Variants in NRCAM observed in about 807,000 individuals in gnomAD.
NRCAM encodes NgCAM-related cell adhesion molecule.
In NRCAM, 83 loss-of-function variants were observed where a neutral mutation model predicts 156.5. The ratio of observed to expected loss-of-function variants is 0.53; its 90% CI spans 0.44 to 0.64. The LOEUF (loss-of-function observed/expected upper bound fraction) is 0.64. Ranked by LOEUF, NRCAM falls within the 30% of genes least tolerant of loss-of-function variation. NRCAM has a pLI of 0.00. For missense variants in NRCAM, 1,417 were observed against 1,597.3 expected (o/e 0.89, Z 1.92); for synonymous variants, 538 against 563.9 (o/e 0.95, Z 0.65).
At chr7:108,292,003 C>T (rs539226559) in intron 3 of NRCAM, among the ~76,000 whole-genome samples, 106 of 152,280 alleles carry the variant, frequency 7.0e-4, no homozygotes, top group Admixed American at 2.4e-3. Context: ...ACTGGGGCCC[C>T]GCTTAAACAG....
At chr7:108,455,499 C>T (rs900249391) in intron 1 of NRCAM, among the ~76,000 whole-genome samples, 1 of 152,040 alleles carries the variant, frequency 6.6e-6, no homozygotes, top group Non-Finnish European at 1.5e-5. Flanking sequence ...TCCCAGCCCT[C>T]GGAGGCAGGG....
At chr7:108,323,049 G>C (rs368794665) in intron 2 of NRCAM, among the ~76,000 whole-genome samples, 1 of 152,168 alleles carries the variant, frequency 6.6e-6, no homozygotes, top group Non-Finnish European at 1.5e-5. Context: ...TGTTACCGGT[G>C]TTATGAGAGC....
intron 11 of NRCAM, among the ~76,000 whole-genome samples, chr7:108,217,759 T>C (rs13231463): frequency 0.25 from 38,287 of 152,034 alleles, 5,046 homozygotes; most frequent in Non-Finnish European, 0.28. Flanking sequence ...TAATGGCAGA[T>C]GCCCATACCC....
At chr7:108,408,009 A>T (rs1790559332) in intron 1 of NRCAM, among the ~76,000 whole-genome samples, 1 of 152,216 alleles carries the variant, frequency 6.6e-6, no homozygotes, top group Admixed American at 6.5e-5. Context: ...GAATCTTTCC[A>T]AATTTAAATT....
chr7:108,232,730 T>C (rs764938981), intron 6 of NRCAM, among the ~76,000 whole-genome samples: 20 of 152,160 alleles, frequency 1.3e-4, no homozygotes, highest in Non-Finnish European at 2.4e-4. Context: ...GTACCTGTCT[T>C]CTTTAGAACT....
intron 2 of NRCAM, among the ~76,000 whole-genome samples, chr7:108,346,281 C>T (rs1268027389): frequency 1.3e-5 from 2 of 152,108 alleles, no homozygotes; most frequent in African/African-American, 2.4e-5. Flanking sequence ...GTTTAAGAAT[C>T]GAAATTTAAC....
intron 3 of NRCAM, among the ~76,000 whole-genome samples, chr7:108,286,815 C>G (rs1425060169): frequency 6.6e-6 from 1 of 152,164 alleles, no homozygotes. Context: ...TCCGTAGAAT[C>G]AGATACGATA....
chr7:108,199,244 TAAAAA>T (rs11339268), intron 13 of NRCAM, among the ~76,000 whole-genome samples: 1 of 151,742 alleles, frequency 6.6e-6, no homozygotes, highest in Non-Finnish European at 1.5e-5. Context: ...ACTTTTAAAA[TAAAAA>T]AAAATTTGTT....
chr7:108,173,336 C>T (rs951338033), intron 28 of NRCAM, among the ~76,000 whole-genome samples: 21 of 151,962 alleles, frequency 1.4e-4, no homozygotes, highest in Non-Finnish European at 1.5e-5. Context: ...CTTTATTCAT[C>T]TCTTATTTAT....
chr7:108,155,354 C>G (rs1251283055), intron 32 of NRCAM, among the ~76,000 whole-genome samples: 1 of 151,752 alleles, frequency 6.6e-6, no homozygotes, highest in Non-Finnish European at 1.5e-5. Flanking sequence ...ATTCACAGTG[C>G]TGGCATATAT....
At chr7:108,166,082 A>G (rs188306493) in intron 30 of NRCAM, among the ~76,000 whole-genome samples, 2 of 152,184 alleles carry the variant, frequency 1.3e-5, no homozygotes, top group Admixed American at 6.5e-5. Flanking sequence ...AAGTAAATAT[A>G]TACAGGCAGT....
At chr7:108,426,688 A>C (rs920781962) in intron 1 of NRCAM, among the ~76,000 whole-genome samples, 2 of 152,232 alleles carry the variant, frequency 1.3e-5, no homozygotes, top group Non-Finnish European at 2.9e-5. Flanking sequence ...ACATTTTATT[A>C]AGCAAGCAAA....
At chr7:108,415,757 C>T (rs1800776140) in intron 1 of NRCAM, among the ~76,000 whole-genome samples, 1 of 152,184 alleles carries the variant, frequency 6.6e-6, no homozygotes, top group African/African-American at 2.4e-5. Context: ...TGGCAGGCAC[C>T]TGTAATCCCA....
intron 19 of NRCAM, among the ~76,000 whole-genome samples, chr7:108,190,934 TGTG>T (rs2070994166): frequency 6.6e-6 from 1 of 152,194 alleles, no homozygotes; most frequent in Non-Finnish European, 1.5e-5. Flanking sequence ...TTCTGTAAAA[TGTG>T]GATGATGGCT....
intron 1 of NRCAM, among the ~76,000 whole-genome samples, chr7:108,420,040 G>GTGTA (rs1491268622): frequency 4.0e-4 from 1 of 2,510 alleles, no homozygotes; most frequent in Non-Finnish European, 2.5e-3. Flanking sequence ...TAGTTCCATC[G>GTGTA]TGTGTGTGTG....
At chr7:108,268,588 T>C (rs2097193888) in intron 3 of NRCAM, among the ~76,000 whole-genome samples, 1 of 112,482 alleles carries the variant, frequency 8.9e-6, no homozygotes, top group Non-Finnish European at 1.7e-5. Flanking sequence ...CTCCTGGCTA[T>C]TTCAGAGTGA....
chr7:108,363,054 T>C (rs1246700821), intron 2 of NRCAM, among the ~76,000 whole-genome samples: 1 of 152,054 alleles, frequency 6.6e-6, no homozygotes, highest in Non-Finnish European at 1.5e-5. Context: ...CACAGAGACA[T>C]GGGAGCCAAT....
intron 6 of NRCAM, among the ~76,000 whole-genome samples, chr7:108,234,178 G>T (rs16872449): frequency 0.073 from 11,183 of 152,172 alleles, 595 homozygotes; most frequent in African/African-American, 0.14. Context: ...GTGCCTTATG[G>T]CCATTAGTAT....
rs976800150 is a variant in NRCAM, at chr7:108,430,536, A to T, written c.-332+25707T>A. ...GAAAGGACGGGGCTGCCAGAAACTG[A>T]GATGAAGCAAGTCCAGGCTGGGGAG... On this transcript the variant is annotated intron_variant, in intron 1 of 32. Transcript: ENST00000379028. Among the ~76,000 whole-genome samples, 2 of 152,228 alleles carry T rather than the reference A, an allele frequency of 1.3e-5. No homozygotes were observed. Among genetic ancestry groups the T allele is most frequent in the African/African-American group, 2.4e-5 (1 of 41,460 alleles).
Sources: gnomAD v4.1 joint callset for allele counts (sites outside exome capture counted in the v4.1 genomes callset) on GRCh38, gnomAD v4.1.1 for gene constraint, MANE v1.5 for transcripts, NCBI Gene and HGNC (gene_info 2026-07-23, HGNC 2026-07-21) for gene names.